ST6GALNAC2: variants seen among roughly 807,000 people sequenced by gnomAD.
ST6GALNAC2 encodes alpha-N-acetylgalactosaminide alpha-2,6-sialyltransferase 2.
ST6GALNAC2 carries 42 observed loss-of-function variants against 38.7 expected under a neutral mutation model. The ratio of observed to expected loss-of-function variants is 1.09; its 90% CI spans 0.85 to 1.40. The LOEUF is 1.40. ST6GALNAC2 is among the 40% of genes most tolerant of loss of function. ST6GALNAC2 has a pLI of 0.00. For synonymous variants in ST6GALNAC2, 233 were observed against 209.0 expected (o/e 1.11, Z -0.99); for missense variants, 506 against 481.7 (o/e 1.05, Z -0.47).
chr17:76,568,916 G>A, intron 6 of ST6GALNAC2, 120 bp from the exon 7 acceptor site: 1 of 878,816 alleles, frequency 1.1e-6, no homozygotes, highest in Non-Finnish European at 1.8e-6. Flanking sequence ...GAGCGGGGCT[G>A]GGAGTAGTAG....
In ST6GALNAC2 at chr17:76,573,450, C is replaced by T; in HGVS notation, c.362-87G>A. The T allele has an allele frequency of 7.6e-7, 1 of 1,318,938 alleles. No homozygotes were observed. The highest frequency in any genetic ancestry group is 1.5e-5 in the African/African-American group (1 of 66,312). The allele number at this position is 1,318,938 out of a possible 1,614,324, so 81.7% of individuals were successfully genotyped here. A position where few individuals can be genotyped will look rare whatever the true frequency, so the allele number is the denominator to read the frequency against. ...CCCTAGGCTGGTTCTGGTGCCCCATCTCCCCTGAGGCCTGACCCTAGCCCC... is the reference window on the plus strand; with the variant it reads ...CCCTAGGCTGGTTCTGGTGCCCCATTTCCCCTGAGGCCTGACCCTAGCCCC... On this transcript the variant is annotated intron_variant, in intron 3 of 8. Transcript: ENST00000225276. The surrounding 1 kb of genome is among the most constrained non-coding windows in gnomAD (Gnocchi z 5.1).
intron 2 of ST6GALNAC2, among the ~76,000 whole-genome samples, chr17:76,576,429 G>A (rs751739776): frequency 1.1e-4 from 16 of 152,174 alleles, no homozygotes; most frequent in Non-Finnish European, 2.1e-4. Flanking sequence ...TGTGGAAGTG[G>A]GTGTGGAAGT....
chr17:76,576,694 G>A (rs901301791), intron 2 of ST6GALNAC2, among the ~76,000 whole-genome samples: 6 of 152,126 alleles, frequency 3.9e-5, no homozygotes, highest in African/African-American at 1.4e-4. Flanking sequence ...ATCCAGGCCG[G>A]GCACGGTGGC....
intron 1 of ST6GALNAC2, among the ~76,000 whole-genome samples, chr17:76,584,977 C>T (rs767448136): frequency 2.8e-4 from 42 of 152,250 alleles, no homozygotes; most frequent in Non-Finnish European, 5.3e-4. Flanking sequence ...TGCTAGAGGC[C>T]GGCTCCCAGG....
intron 3 of ST6GALNAC2, 54 bp downstream of exon 3, chr17:76,574,311 A>G: frequency 6.3e-7 from 1 of 1,577,586 alleles, no homozygotes; most frequent in Non-Finnish European, 8.6e-7. Flanking sequence ...ACTTCAGGGC[A>G]AAGAGCAGGA....
Position 76,572,747 on chromosome 17 carries a change from C to T in ST6GALNAC2, c.559G>A (p.Glu187Lys), listed in dbSNP as rs368536427. ...RLNGAVIKGFERDVGTKTSFY... is the reference protein window; with the variant it reads ...RLNGAVIKGFKRDVGTKTSFY... Reference sequence around the variant, plus strand: ...GAAGTCTTGGTGCCCACATCGCGCTCGAAGCCTTTGATCACAGCTCCATTG... The same window carrying T: ...GAAGTCTTGGTGCCCACATCGCGCTTGAAGCCTTTGATCACAGCTCCATTG... The change falls in exon 5 of 9, where the codon GAG becomes AAG. Residue 187 changes from glutamate (E) to lysine (K), a missense_variant. Physicochemically the swap from Glu to Lys is moderately conservative, Grantham distance 56. Coordinates refer to ENST00000225276, the MANE Select transcript of ST6GALNAC2 (RefSeq NM_006456.3). The T allele has an allele frequency of 7.4e-6, 12 of 1,614,060 alleles. No individual in the cohort carries two copies. The highest frequency in any genetic ancestry group is 1.7e-5 in the Admixed American group (1 of 60,002).
intron 5 of ST6GALNAC2, among the ~76,000 whole-genome samples, chr17:76,571,555 T>C (rs1189619311): frequency 4.6e-5 from 7 of 152,180 alleles, no homozygotes; most frequent in African/African-American, 2.4e-5. Flanking sequence ...GATTGCACCA[T>C]TGCACTCCAG....
rs373890625 is a variant in ST6GALNAC2 at position 76,570,711 on chromosome 17, T to C, written c.670-43A>G. 3.0e-5 allele frequency: 45 copies of C among 1,488,718 alleles called. No individual in the cohort carries two copies. In the Middle Eastern group the frequency reaches 5.1e-4, roughly 17 times the overall value. 92.2% of individuals were successfully genotyped at this position (1,488,718 alleles called of 1,614,324 possible). On this transcript the variant is annotated intron_variant, in intron 5 of 8. Coordinates refer to ENST00000225276, the MANE Select transcript of ST6GALNAC2 (RefSeq NM_006456.3). Reference sequence around the variant, plus strand: ...ATGAGCCCAGAGGGGAACCAGGACATGTTTAGCTCCTCAGTGTGGACAGCC... The same window carrying C: ...ATGAGCCCAGAGGGGAACCAGGACACGTTTAGCTCCTCAGTGTGGACAGCC...
At chr17:76,569,240 A>AG in intron 6 of ST6GALNAC2, 1 of 247,934 alleles carries the variant, frequency 4.0e-6, no homozygotes, top group Non-Finnish European at 6.8e-6. Context: ...CGGGGCACAT[A>AG]GGGGGTGATA....
rs2075310476 is a variant in ST6GALNAC2, at chr17:76,568,393, T to C, written c.857+320A>G. 2.2e-5 allele frequency: 7 copies of C among 315,896 alleles called. No individual in the cohort carries two copies. In the South Asian group the frequency reaches 3.2e-4, roughly 14 times the overall value. The allele number at this position is 315,896 out of a possible 1,614,324, so 19.6% of individuals were successfully genotyped here. A position where few individuals can be genotyped will look rare whatever the true frequency, so the allele number is the denominator to read the frequency against. ...CTGTGTTTGGGCCTGAAGGTTCTGATGCCCTGCTGCTGACGGCGCCACTGC... is the reference window on the plus strand; with the variant it reads ...CTGTGTTTGGGCCTGAAGGTTCTGACGCCCTGCTGCTGACGGCGCCACTGC... On this transcript the variant is annotated intron_variant, in intron 7 of 8. Transcript: ENST00000225276.
At chr17:76,583,248 C>T (rs1432050289) in intron 1 of ST6GALNAC2, among the ~76,000 whole-genome samples, 1 of 151,586 alleles carries the variant, frequency 6.6e-6, no homozygotes, top group East Asian at 1.9e-4. Flanking sequence ...TGGTGGCGGG[C>T]ACCTGTAGAC....
chr17:76,585,393 C>T (rs1247511568), intron 1 of ST6GALNAC2, among the ~76,000 whole-genome samples: 2 of 152,228 alleles, frequency 1.3e-5, no homozygotes, highest in East Asian at 3.8e-4. Flanking sequence ...CTTATCAGGC[C>T]GGGGAGGACT....
At chr17:76,585,605 C>T (rs779050244) in intron 1 of ST6GALNAC2, 79 bp downstream of exon 1, 2 of 1,402,856 alleles carry the variant, frequency 1.4e-6, no homozygotes, top group Non-Finnish European at 1.8e-6. Context: ...TGCGGGCCGC[C>T]GGGGAGCCCT....
At position 76,566,113 on chromosome 17, in the gene ST6GALNAC2, G is replaced by A. The variant is rs573839359; in HGVS notation, c.1116C>T (p.Tyr372=). ...GCTCAGTGCATTGGGGTCAGCGCTG[G>A]TACAGCTGAAGGATGCCGGCCTTGT... ...DLHKAGILQL[Y]QR Residue 372 remains tyrosine, a synonymous_variant, in exon 9 of 9, where the codon TAC becomes TAT. Transcript: ENST00000225276. The A allele has an allele frequency of 3.2e-5, 52 of 1,613,992 alleles. No homozygotes were observed. The South Asian group carries it at 4.8e-4, about 15-fold the overall frequency.
chr17:76,565,415 G>GTTGGTGACATCATCCTA lies in ST6GALNAC2; in HGVS notation c.*688_*689insTAGGATGATGTCACCAA, dbSNP rs1476511567. On this transcript the variant is annotated 3_prime_UTR_variant, in exon 9 of 9. Coordinates refer to ENST00000225276, the MANE Select transcript of ST6GALNAC2 (RefSeq NM_006456.3). ...GTTTATTACCTGGTGACATCATCCT[G>GTTGGTGACATCATCCTA]TTGGTGACAAGGTGGTGATACATCT... 1 of 151,876 alleles carries GTTGGTGACATCATCCTA rather than the reference G, an allele frequency of 6.6e-6. No individual in the cohort carries two copies. The highest frequency in any genetic ancestry group is 1.5e-5 in the Non-Finnish European group (1 of 68,038). 9.4% of individuals were successfully genotyped at this position (151,876 alleles called of 1,614,324 possible).
chr17:76,579,837 C>A (rs919153762), intron 1 of ST6GALNAC2, among the ~76,000 whole-genome samples: 1 of 152,284 alleles, frequency 6.6e-6, no homozygotes, highest in Non-Finnish European at 1.5e-5. Flanking sequence ...GACCCTATGA[C>A]CTGGGACTTC....
chr17:76,570,933 A>G (rs2075346816), intron 5 of ST6GALNAC2: 2 of 412,962 alleles, frequency 4.8e-6, no homozygotes, highest in Admixed American at 7.5e-5. Flanking sequence ...TCTGATAAAG[A>G]GGAAAGTGAT....
chr17:76,571,986 A>ACACAT (rs2075357867), intron 5 of ST6GALNAC2, among the ~76,000 whole-genome samples: 1 of 152,114 alleles, frequency 6.6e-6, no homozygotes, highest in Admixed American at 6.5e-5. Context: ...TCAAGAGGCC[A>ACACAT]CACATCATTC....
chr17:76,577,627 G>A (rs958204628), intron 2 of ST6GALNAC2, among the ~76,000 whole-genome samples: 1 of 148,308 alleles, frequency 6.7e-6, no homozygotes, highest in East Asian at 2.0e-4. Flanking sequence ...TCACGGTGGA[G>A]TGCAGTGGCA....
Sources: allele counts gnomAD v4.1 joint callset (sites outside exome capture counted in the v4.1 genomes callset), GRCh38; gene constraint gnomAD v4.1.1; non-coding constraint Gnocchi (gnomAD v3.1); transcripts MANE v1.5; gene names NCBI Gene and HGNC (gene_info 2026-07-23, HGNC 2026-07-21).